Variants in SLC25A12 observed in about 807,000 individuals in gnomAD.
The protein encoded by SLC25A12 is electrogenic aspartate/glutamate antiporter SLC25A12, mitochondrial.
In SLC25A12, 32 loss-of-function variants were observed where a neutral mutation model predicts 83.3. The observed-to-expected ratio is 0.38, with a 90% CI of 0.29 to 0.52. SLC25A12 has a LOEUF of 0.52. Ranked by LOEUF, SLC25A12 falls within the 20% of genes least tolerant of loss-of-function variation. The probability of loss-of-function intolerance (pLI) is 0.84; values close to 1 mark genes in which losing one functional copy is unlikely to be tolerated. For missense variants in SLC25A12, 611 were observed against 835.6 expected, an observed-to-expected ratio of 0.73 and a Z score of 3.31; for synonymous variants, 267 against 291.1, an observed-to-expected ratio of 0.92 and a Z score of 0.84.
intron 2 of SLC25A12, among the ~76,000 whole-genome samples, chr2:171,871,518 A>G (rs1685456210): frequency 6.6e-6 from 1 of 151,912 alleles, no homozygotes. Context: ...GACGGGTTTC[A>G]CCGTGTTAGG....
chr2:171,787,430 G>A, intron 17 of SLC25A12, 141 bp downstream of exon 17: 4 of 781,948 alleles, frequency 5.1e-6, no homozygotes, highest in Non-Finnish European at 9.3e-6. Context: ...TGCTTCTTAA[G>A]CTCACTGTTT....
chr2:171,855,840 T>A lies in SLC25A12; in HGVS notation c.319A>T (p.Thr107Ser). The change falls in exon 4 of 18, where the codon ACA (threonine) becomes TCA (serine). Residue 107 changes from threonine to serine, a missense_variant. Thr to Ser is a moderately conservative substitution (Grantham distance 58). Around this residue, in one of 3 missense-constraint regions of SLC25A12, gnomAD observed 540 missense variants for 777.5 expected, o/e 0.69. Coordinates refer to ENST00000422440, the MANE Select transcript of SLC25A12 (RefSeq NM_003705.5). ...LFDKSGNGEV[T>S]FENVKEIFGQ... ...AATCTTCTTTTTCCCTTACCAAATG[T>A]CACCTCTCCATTTCCACTCTTGTCA... The A allele has an allele frequency of 1.9e-6, 3 of 1,580,628 alleles. No individual in the cohort carries two copies. Among genetic ancestry groups the A allele is most frequent in the Non-Finnish European group, 2.6e-6 (3 of 1,149,412 alleles).
chr2:171,844,453 G>T lies in SLC25A12; in HGVS notation c.381C>A (p.Asn127Lys). ...QTIIHHHIPF[N>K]WDCEFIRLHF... is the part of the protein sequence containing the mutation. Reference sequence around the variant, plus strand: ...GCAGTCGGATAAATTCACAATCCCAGTTAAAAGGGATATGATGATGAATAA... The same window carrying T: ...GCAGTCGGATAAATTCACAATCCCATTTAAAAGGGATATGATGATGAATAA... Residue 127 changes from asparagine (N) to lysine (K), a missense_variant, in exon 5 of 18, where the codon AAC becomes AAA. Physicochemically the swap from Asn to Lys is moderately conservative, Grantham distance 94. Coordinates refer to ENST00000422440, the MANE Select transcript of SLC25A12 (RefSeq NM_003705.5). The T allele has an allele frequency of 6.2e-7, 1 of 1,610,770 alleles. No individual in the cohort carries two copies. Among genetic ancestry groups the T allele is most frequent in the Non-Finnish European group, 8.5e-7 (1 of 1,177,078 alleles).
chr2:171,796,589 A>G (rs948923344), intron 13 of SLC25A12, among the ~76,000 whole-genome samples: 1 of 152,160 alleles, frequency 6.6e-6, no homozygotes, highest in Non-Finnish European at 1.5e-5. Context: ...GGATTACTTG[A>G]GCCCAGGAGT....
intron 8 of SLC25A12, 120 bp from the exon 9 acceptor site, chr2:171,827,002 TA>T: frequency 1.5e-6 from 1 of 687,162 alleles, no homozygotes; most frequent in South Asian, 1.6e-5. Context: ...ATTACTTCCC[TA>T]TTTACACAGA....
chr2:171,788,081 C>T (rs1558905433), intron 15 of SLC25A12, 134 bp from the exon 16 acceptor site: 1 of 827,752 alleles, frequency 1.2e-6, no homozygotes. Flanking sequence ...GATGTCTGGC[C>T]ATTAATGGGA....
intron 15 of SLC25A12, 173 bp from the exon 16 acceptor site, chr2:171,788,120 C>A: frequency 1.6e-6 from 1 of 627,252 alleles, no homozygotes; most frequent in Non-Finnish European, 2.8e-6. Context: ...TTAGCTGTTG[C>A]AGTGTGATCA....
intron 13 of SLC25A12, among the ~76,000 whole-genome samples, chr2:171,795,593 AT>A (rs1253696972): frequency 6.6e-6 from 1 of 152,218 alleles, no homozygotes; most frequent in African/African-American, 2.4e-5. Flanking sequence ...TTAAAAATGA[AT>A]AGAACCACAA....
At chr2:171,815,242 G>A (rs773579877) in intron 9 of SLC25A12, 40 bp from the exon 10 acceptor site, 44 of 1,370,836 alleles carry the variant, frequency 3.2e-5, no homozygotes, top group Admixed American at 6.7e-5. Context: ...TCTTGAAAGC[G>A]CACACAGCAA....
At position 171,836,825 on chromosome 2, in the gene SLC25A12, A is replaced by G. The variant is rs373758450; in HGVS notation, c.612+296T>C. Among the ~76,000 whole-genome samples the G allele has an allele frequency of 8.5e-5, 13 of 152,236 alleles. No homozygotes were observed. The South Asian group carries it at 1.2e-3, about 15-fold the overall frequency. Reference sequence around the variant, plus strand: ...CCTTGAACTGGACTCTGTAAATGGAAATAAACAATTTGGAAATAGATGACA... The same window carrying G: ...CCTTGAACTGGACTCTGTAAATGGAGATAAACAATTTGGAAATAGATGACA... On this transcript the variant is annotated intron_variant, in intron 6 of 17. Transcript: ENST00000422440.
In SLC25A12 at chr2:171,787,775, C is replaced by T. The variant is rs1690515930; in HGVS notation, c.1744+14G>A. The T allele has an allele frequency of 1.9e-6, 3 of 1,613,978 alleles. No individual in the cohort carries two copies. The highest frequency in any genetic ancestry group is 2.2e-5 in the East Asian group (1 of 44,890). On this transcript the variant is annotated intron_variant, in intron 16 of 17. Coordinates refer to ENST00000422440, the MANE Select transcript of SLC25A12 (RefSeq NM_003705.5). ...GCCAGCCAGCCATTCTGTATGGCTC[C>T]AGCCCCTGCCTACCTGCAGTCCCTT... is the stretch of plus-strand genomic sequence containing the variant.
chr2:171,816,970 G>A (rs1684061320), intron 9 of SLC25A12, among the ~76,000 whole-genome samples: 1 of 152,180 alleles, frequency 6.6e-6, no homozygotes, highest in African/African-American at 2.4e-5. Flanking sequence ...ATTAGGTCAT[G>A]AAAATGGAGC....
At chr2:171,859,760 A>G (rs1474146762) in intron 3 of SLC25A12, among the ~76,000 whole-genome samples, 1 of 143,750 alleles carries the variant, frequency 7.0e-6, no homozygotes, top group East Asian at 2.7e-4. Flanking sequence ...GCAAATGGAT[A>G]CAACAATTTT....
At chr2:171,810,649 TAC>T (rs780896489) in intron 11 of SLC25A12, among the ~76,000 whole-genome samples, 3 of 152,146 alleles carry the variant, frequency 2.0e-5, no homozygotes, top group Non-Finnish European at 4.4e-5. Flanking sequence ...CATATAAACA[TAC>T]ACAGATACTG....
chr2:171,829,021 T>A (rs1001322349), intron 8 of SLC25A12, among the ~76,000 whole-genome samples: 18 of 152,226 alleles, frequency 1.2e-4, no homozygotes, highest in African/African-American at 4.1e-4. Context: ...AGTCACCAAA[T>A]AAGCTAGGTT....
chr2:171,795,159 C>T (rs1683573818), intron 13 of SLC25A12, among the ~76,000 whole-genome samples: 1 of 152,188 alleles, frequency 6.6e-6, no homozygotes, highest in Non-Finnish European at 1.5e-5. Context: ...TCCCCAGGGC[C>T]TTAATCCCCT....
chr2:171,866,702 T>C (rs1573994533), intron 3 of SLC25A12, among the ~76,000 whole-genome samples: 1 of 103,060 alleles, frequency 9.7e-6, no homozygotes, highest in African/African-American at 4.0e-5. Context: ...CACTTCCCAG[T>C]AGGGGCAGCC....
chr2:171,837,251 T>A lies in SLC25A12; in HGVS notation c.482A>T (p.His161Leu). 1 of 1,614,122 alleles carries A rather than the reference T, an allele frequency of 6.2e-7. No homozygotes were observed. Among genetic ancestry groups the A allele is most frequent in the Non-Finnish European group, 8.5e-7 (1 of 1,179,986 alleles). ...TQFLQELQLE[H>L]ARQAFALKDK... ...TTTGAGTGCAAAGGCTTGTCTTGCATGTTCCAATTGCAGCTCCTGTGAGGA... is the reference window on the plus strand; with the variant it reads ...TTTGAGTGCAAAGGCTTGTCTTGCAAGTTCCAATTGCAGCTCCTGTGAGGA... Residue 161 changes from histidine (H) to leucine (L), a missense_variant, in exon 6 of 18, where the codon CAT (histidine) becomes CTT (leucine). By Grantham distance (99) the His-to-Leu change is moderately conservative (BLOSUM62 -3). Transcript: ENST00000422440.
rs1300918908 is a variant in SLC25A12, at chr2:171,784,429, GA to G, written c.*844del. The G allele has an allele frequency of 2.0e-5, 3 of 152,382 alleles. No individual in the cohort carries two copies. Among genetic ancestry groups the G allele is most frequent in the African/African-American group, 7.2e-5 (3 of 41,594 alleles). 9.4% of individuals were successfully genotyped at this position (152,382 alleles called of 1,614,324 possible). ...TCATATCCATATGAAGGGAAATTGT[GA>G]AAGTATCCTTTACTCTTTTGAAAGC... is the stretch of plus-strand genomic sequence containing the variant. On this transcript the variant is annotated 3_prime_UTR_variant, in exon 18 of 18. Transcript: ENST00000422440.
Sources: gnomAD v4.1 joint callset for allele counts (sites outside exome capture counted in the v4.1 genomes callset) on GRCh38, gnomAD v4.1.1 for gene constraint, gnomAD v4.1.1 regional missense constraint, MANE v1.5 for transcripts, NCBI Gene and HGNC (gene_info 2026-07-23, HGNC 2026-07-21) for gene names.